Variants in STARD13 observed in about 807,000 individuals in gnomAD.
The protein encoded by STARD13 is stAR-related lipid transfer protein 13.
STARD13 carries 62 observed loss-of-function variants against 106.4 expected under a neutral mutation model. That is an observed-to-expected ratio of 0.58 (90% CI 0.48 to 0.72). STARD13 has a LOEUF of 0.72. Among genes scored for constraint, STARD13 ranks in the 30% least tolerant of loss-of-function variants. The pLI, the probability that STARD13 is intolerant of heterozygous loss-of-function variation, is 0.00. For missense variants in STARD13, 1,387 were observed against 1,424.0 expected (o/e 0.97, Z 0.42); for synonymous variants, 565 against 553.0 (o/e 1.02, Z -0.31).
At chr13:33,488,975 TC>T in the STARD13 span, among the ~76,000 whole-genome samples, 56 of 152,308 alleles carry the variant, frequency 3.7e-4, no homozygotes, top group Non-Finnish European at 7.1e-4. Context: ...TTCATTACAC[TC>T]AAGTTGAACA....
In STARD13 at chr13:33,294,832, A is replaced by T. The variant is rs191820523; in HGVS notation, c.124+55458T>A. On this transcript the variant is annotated intron_variant, in intron 1 of 5. Coordinates refer to the STARD13 transcript ENST00000567873. The stretch of plus-strand genomic sequence containing the variant: ...ATATATTTTCTTAATGTTGACTCAA[A>T]TTATAATTTGAATATGAAATGAACA... Among the ~76,000 whole-genome samples, 14 of 152,308 alleles carry T rather than the reference A, an allele frequency of 9.2e-5. No individual in the cohort carries two copies. In the East Asian group the frequency reaches 2.1e-3, roughly 23 times the overall value.
chr13:33,499,984 C>A, the STARD13 span, among the ~76,000 whole-genome samples: 2 of 151,744 alleles, frequency 1.3e-5, no homozygotes, highest in African/African-American at 4.8e-5. Context: ...GAACTCCTGG[C>A]CTAAAGCAAT....
intron 1 of STARD13, among the ~76,000 whole-genome samples, chr13:33,251,924 C>T (rs1890113563): frequency 6.6e-6 from 1 of 152,138 alleles, no homozygotes; most frequent in Admixed American, 6.5e-5. Flanking sequence ...CCAAAACAGA[C>T]AAACTAGCAA....
At chr13:33,268,644 G>C (rs1352351781) in intron 1 of STARD13, among the ~76,000 whole-genome samples, 1 of 152,228 alleles carries the variant, frequency 6.6e-6, no homozygotes, top group African/African-American at 2.4e-5. Flanking sequence ...ACTAAGATTT[G>C]AACGTAGGTC....
chr13:33,638,111 G>A, the STARD13 span, among the ~76,000 whole-genome samples: 5 of 152,216 alleles, frequency 3.3e-5, no homozygotes, highest in Non-Finnish European at 7.3e-5. Flanking sequence ...CCAAATATGA[G>A]TGACTAATGG....
intron 1 of STARD13, among the ~76,000 whole-genome samples, chr13:33,246,436 G>A (rs1308078232): frequency 1.3e-5 from 2 of 152,110 alleles, no homozygotes; most frequent in African/African-American, 4.8e-5. Flanking sequence ...GTATGTCTAG[G>A]AACAGACAAG....
chr13:33,415,666 G>A, the STARD13 span, among the ~76,000 whole-genome samples: 8 of 151,748 alleles, frequency 5.3e-5, no homozygotes, highest in African/African-American at 1.5e-4. Flanking sequence ...ATTTCAGATC[G>A]TTGTGTATAA....
chr13:33,635,811 C>G, the STARD13 span, among the ~76,000 whole-genome samples: 1,175 of 149,650 alleles, frequency 7.9e-3, 8 homozygotes, highest in East Asian at 0.038. Flanking sequence ...GGCGACACCC[C>G]GTCTCTACTA....
intron 3 of STARD13, among the ~76,000 whole-genome samples, chr13:33,163,602 A>ATATATAACATATATATAT (rs1566038391): frequency 1.1e-5 from 1 of 89,610 alleles, no homozygotes; most frequent in African/African-American, 3.5e-5. Context: ...AAAAAAAAAA[A>ATATATAACATATATATAT]AAAATATATA....
chr13:33,632,737 G>A, the STARD13 span, among the ~76,000 whole-genome samples: 2 of 151,674 alleles, frequency 1.3e-5, no homozygotes, highest in Non-Finnish European at 2.9e-5. Context: ...TAAATCAATT[G>A]GCTACCTACT....
chr13:33,292,079 G>T (rs1364574966), intron 1 of STARD13, among the ~76,000 whole-genome samples: 1 of 152,068 alleles, frequency 6.6e-6, no homozygotes, highest in Non-Finnish European at 1.5e-5. Flanking sequence ...ACTGAATTTG[G>T]GGGAAAGGTA....
chr13:33,232,731 T>C (rs1309482145), intron 1 of STARD13, among the ~76,000 whole-genome samples: 1 of 152,194 alleles, frequency 6.6e-6, no homozygotes, highest in Non-Finnish European at 1.5e-5. Context: ...AAACTTACAC[T>C]TGTCTATTCT....
chr13:33,298,121 G>GCCT (rs1892567782), intron 1 of STARD13, among the ~76,000 whole-genome samples: 1 of 51,914 alleles, frequency 1.9e-5, no homozygotes, highest in Non-Finnish European at 3.4e-5. Flanking sequence ...CCCATCTACA[G>GCCT]TTTTTTTTTT....
At chr13:33,535,459 CA>C in the STARD13 span, among the ~76,000 whole-genome samples, 14 of 151,938 alleles carry the variant, frequency 9.2e-5, no homozygotes, top group Non-Finnish European at 1.9e-4. Context: ...AGTTTTACCA[CA>C]GAGAATCAAA....
At chr13:33,535,813 A>G in the STARD13 span, among the ~76,000 whole-genome samples, 1 of 152,218 alleles carries the variant, frequency 6.6e-6, no homozygotes, top group African/African-American at 2.4e-5. Flanking sequence ...TTTCTTTACA[A>G]TAATCCCATT....
the STARD13 span, among the ~76,000 whole-genome samples, chr13:33,451,935 A>G: frequency 9.8e-5 from 15 of 152,356 alleles, no homozygotes; most frequent in African/African-American, 3.6e-4. Flanking sequence ...CCTTGGCAAG[A>G]GCCAGAAGAC....
chr13:33,474,255 G>T, the STARD13 span, among the ~76,000 whole-genome samples: 1 of 152,128 alleles, frequency 6.6e-6, no homozygotes, highest in Non-Finnish European at 1.5e-5. Flanking sequence ...TGGCCCCAGT[G>T]TTCTTTGGAC....
chr13:33,544,770 C>CTTTTT, the STARD13 span, among the ~76,000 whole-genome samples: 5 of 108,718 alleles, frequency 4.6e-5, no homozygotes, highest in African/African-American at 1.2e-4. Flanking sequence ...TGTTTTTTCT[C>CTTTTT]TTTTTTTTTT....
At chr13:33,447,719 A>T in the STARD13 span, among the ~76,000 whole-genome samples, 1 of 152,236 alleles carries the variant, frequency 6.6e-6, no homozygotes, top group Non-Finnish European at 1.5e-5. Context: ...TAAGATGCTC[A>T]ATAAGACACA....
Sources: allele counts gnomAD v4.1 joint callset (sites outside exome capture counted in the v4.1 genomes callset), GRCh38; gene constraint gnomAD v4.1.1; transcripts MANE v1.5; gene names NCBI Gene and HGNC (gene_info 2026-07-23, HGNC 2026-07-21).